Variants in CACNB2 observed in about 807,000 individuals in gnomAD.
CACNB2 encodes voltage-dependent L-type calcium channel subunit beta-2.
Under a neutral mutation model 73.3 loss-of-function variants are expected in CACNB2, and 42 were observed. That is an observed-to-expected ratio of 0.57 (90% CI 0.45 to 0.74). The LOEUF (loss-of-function observed/expected upper bound fraction) is 0.74. Ranked by LOEUF, CACNB2 falls within the 30% of genes least tolerant of loss-of-function variation. The pLI is 0.00. For missense variants in CACNB2, 940 were observed against 853.0 expected, an observed-to-expected ratio of 1.10 and a Z score of -1.27; for synonymous variants, 348 against 310.3, an observed-to-expected ratio of 1.12 and a Z score of -1.28.
At chr10:18,202,812 C>T (rs1035370459) in intron 2 of CACNB2, among the ~76,000 whole-genome samples, 8 of 152,208 alleles carry the variant, frequency 5.3e-5, no homozygotes, top group African/African-American at 1.9e-4. Flanking sequence ...CTTTGCCTTT[C>T]TGTCTTTGTT....
At chr10:18,231,202 C>G (rs530712820) in intron 2 of CACNB2, among the ~76,000 whole-genome samples, 1 of 152,066 alleles carries the variant, frequency 6.6e-6, no homozygotes, top group African/African-American at 2.4e-5. Context: ...TTTGAGACAG[C>G]GTTTTGCTCT....
intron 3 of CACNB2, among the ~76,000 whole-genome samples, chr10:18,453,077 T>C (rs1200998571): frequency 6.6e-6 from 1 of 152,306 alleles, no homozygotes; most frequent in Middle Eastern, 3.4e-3. Context: ...TCCACTTTTC[T>C]CCATCTCTGC....
At chr10:18,537,548 G>A (rs989343975) in intron 12 of CACNB2, among the ~76,000 whole-genome samples, 6 of 151,862 alleles carry the variant, frequency 4.0e-5, no homozygotes, top group Admixed American at 1.3e-4. Context: ...AGGCCGAGGC[G>A]GGTGAATCAC....
At chr10:18,212,627 TGAA>T (rs1291960309) in intron 2 of CACNB2, among the ~76,000 whole-genome samples, 1 of 152,220 alleles carries the variant, frequency 6.6e-6, no homozygotes, top group Admixed American at 6.5e-5. Context: ...GTTTGTAATA[TGAA>T]GGAGGAATCT....
chr10:18,280,584 C>T (rs1299544558), intron 2 of CACNB2, among the ~76,000 whole-genome samples: 1 of 152,064 alleles, frequency 6.6e-6, no homozygotes, highest in Non-Finnish European at 1.5e-5. Context: ...TTTATTTCAC[C>T]CCTAACTCAT....
chr10:18,222,836 C>A (rs568740876), intron 2 of CACNB2, among the ~76,000 whole-genome samples: 1 of 152,278 alleles, frequency 6.6e-6, no homozygotes, highest in East Asian at 1.9e-4. Context: ...ACTTGGGAGG[C>A]TGAGGCAGGA....
intron 1 of CACNB2, among the ~76,000 whole-genome samples, chr10:18,141,759 C>T (rs2030436939): frequency 6.6e-6 from 1 of 152,192 alleles, no homozygotes. Flanking sequence ...CAACTTTTCT[C>T]CCGGCAGGGA....
At chr10:18,364,191 T>C (rs1661088610) in intron 2 of CACNB2, among the ~76,000 whole-genome samples, 1 of 151,882 alleles carries the variant, frequency 6.6e-6, no homozygotes, top group South Asian at 2.1e-4. Context: ...GGTGATCAGG[T>C]GATCCACCCA....
chr10:18,400,993 G>A (rs201189633), intron 2 of CACNB2: 9 of 1,613,632 alleles, frequency 5.6e-6, no homozygotes, highest in African/African-American at 1.3e-5. Flanking sequence ...ACCTGTGCCC[G>A]GGGCTGCAGC....
At chr10:18,257,895 C>A (rs1027260111) in intron 2 of CACNB2, among the ~76,000 whole-genome samples, 1 of 152,172 alleles carries the variant, frequency 6.6e-6, no homozygotes, top group Non-Finnish European at 1.5e-5. Flanking sequence ...AGACATGTGC[C>A]ACCCTGCCCA....
intron 2 of CACNB2, among the ~76,000 whole-genome samples, chr10:18,283,168 C>A (rs1289226825): frequency 1.3e-5 from 2 of 152,140 alleles, no homozygotes; most frequent in Non-Finnish European, 2.9e-5. Context: ...AGTCAGGAAA[C>A]AACAGGTGCT....
intron 3 of CACNB2, among the ~76,000 whole-genome samples, chr10:18,487,388 C>T (rs1170128267): frequency 1.3e-5 from 2 of 152,142 alleles, no homozygotes; most frequent in African/African-American, 4.8e-5. Flanking sequence ...GGCTGTGTTT[C>T]ATTAGAAGGA....
At chr10:18,179,626 G>A (rs925146375) in intron 2 of CACNB2, among the ~76,000 whole-genome samples, 1 of 151,146 alleles carries the variant, frequency 6.6e-6, no homozygotes, top group Non-Finnish European at 1.5e-5. Flanking sequence ...TTAATTCAGG[G>A]ATTTCTTCCA....
At chr10:18,197,162 C>A (rs890439360) in intron 2 of CACNB2, among the ~76,000 whole-genome samples, 12 of 152,150 alleles carry the variant, frequency 7.9e-5, no homozygotes, top group Non-Finnish European at 1.5e-4. Flanking sequence ...TCTTTGATGG[C>A]AGGCCTGTGT....
intron 2 of CACNB2, among the ~76,000 whole-genome samples, chr10:18,284,411 C>A (rs562212134): frequency 6.6e-6 from 1 of 152,250 alleles, no homozygotes; most frequent in South Asian, 2.1e-4. Context: ...AATCATATCA[C>A]GTAGTTGATC....
intron 3 of CACNB2, among the ~76,000 whole-genome samples, chr10:18,489,257 G>A (rs190390412): frequency 1.3e-5 from 2 of 152,050 alleles, no homozygotes; most frequent in East Asian, 1.9e-4. Context: ...GGACATGGTG[G>A]TGGGTGCCTA....
intron 2 of CACNB2, among the ~76,000 whole-genome samples, chr10:18,209,428 G>A (rs765665079): frequency 1.3e-4 from 20 of 152,292 alleles, no homozygotes; most frequent in Middle Eastern, 3.4e-3. Context: ...GGAAATAGAA[G>A]TAAGGATGTG....
At chr10:18,495,312 C>T (rs189329891) in intron 3 of CACNB2, among the ~76,000 whole-genome samples, 10 of 151,672 alleles carry the variant, frequency 6.6e-5, no homozygotes, top group South Asian at 2.1e-4. Flanking sequence ...CTCTGCCTCC[C>T]GGGTTCAAGT....
At chr10:18,519,534 G>C (rs2133169241) in intron 9 of CACNB2, among the ~76,000 whole-genome samples, 1 of 152,272 alleles carries the variant, frequency 6.6e-6, no homozygotes, top group East Asian at 1.9e-4. Context: ...GTGGGCACTA[G>C]ATCTCATTCC....
Sources: allele counts gnomAD v4.1 joint callset (sites outside exome capture counted in the v4.1 genomes callset), GRCh38; gene constraint gnomAD v4.1.1; transcripts MANE v1.5; gene names NCBI Gene and HGNC (gene_info 2026-07-23, HGNC 2026-07-21).